The following SNX3 variants were observed in gnomAD, a reference collection of about 807,000 sequenced individuals.
SNX3 encodes the protein sorting nexin-3.
SNX3 carries 5 observed loss-of-function variants against 17.7 expected under a neutral mutation model. That is an observed-to-expected ratio of 0.28 (90% CI 0.15 to 0.59). The LOEUF is 0.59. SNX3 is among the 20% of genes least tolerant of loss of function. The pLI is 0.88. For synonymous variants in SNX3, 91 were observed against 76.5 expected (o/e 1.19, Z -0.99); for missense variants, 132 against 206.8 (o/e 0.64, Z 2.22).
At chr6:108,217,214 C>G (rs217531) in intron 2 of SNX3, among the ~76,000 whole-genome samples, 100,376 of 150,748 alleles carry the variant, frequency 0.67, 35,305 homozygotes, top group African/African-American at 0.9. Flanking sequence ...AAAAATGTAA[C>G]AATATATATA....
At chr6:108,212,409 G>A (rs1774434155) in intron 3 of SNX3, among the ~76,000 whole-genome samples, 155 bp from the exon 4 acceptor site, 1 of 151,918 alleles carries the variant, frequency 6.6e-6, no homozygotes, top group Non-Finnish European at 1.5e-5. Context: ...GCTGATCTTG[G>A]CTCATGGCAA....
intron 1 of SNX3, among the ~76,000 whole-genome samples, chr6:108,246,851 G>A (rs1775707660): frequency 6.6e-6 from 1 of 152,068 alleles, no homozygotes; most frequent in Non-Finnish European, 1.5e-5. Flanking sequence ...AAGACTACAG[G>A]CTCAAGTCCA....
intron 1 of SNX3, among the ~76,000 whole-genome samples, chr6:108,240,288 G>T (rs143956679): frequency 6.6e-6 from 1 of 152,106 alleles, no homozygotes; most frequent in Non-Finnish European, 1.5e-5. Context: ...GTGCGACCTC[G>T]GCTCACTGTA....
At chr6:108,212,448 G>A (rs868085006) in intron 3 of SNX3, among the ~76,000 whole-genome samples, 194 bp from the exon 4 acceptor site, 1 of 151,630 alleles carries the variant, frequency 6.6e-6, no homozygotes, top group Non-Finnish European at 1.5e-5. Flanking sequence ...AAGTGATTTC[G>A]TGCCTCAGCC....
chr6:108,212,286 A>G, intron 3 of SNX3, 32 bp from the exon 4 acceptor site: 1 of 1,442,384 alleles, frequency 6.9e-7, no homozygotes, highest in Non-Finnish European at 9.6e-7. Flanking sequence ...TTAGTCCAAT[A>G]TTTTATACAA....
intron 1 of SNX3, among the ~76,000 whole-genome samples, chr6:108,239,417 G>A (rs1424501661): frequency 6.6e-6 from 1 of 152,078 alleles, no homozygotes; most frequent in Non-Finnish European, 1.5e-5. Context: ...GAGGCCAAGA[G>A]TTCAAGACAA....
chr6:108,242,487 T>C (rs2114748681), intron 1 of SNX3, among the ~76,000 whole-genome samples: 2 of 152,064 alleles, frequency 1.3e-5, no homozygotes, highest in South Asian at 4.2e-4. Flanking sequence ...CCAGAAACAA[T>C]GGAGACAAGG....
intron 1 of SNX3, among the ~76,000 whole-genome samples, 153 bp downstream of exon 1, chr6:108,260,607 G>A (rs1303854424): frequency 6.6e-6 from 1 of 152,188 alleles, no homozygotes; most frequent in Non-Finnish European, 1.5e-5. Flanking sequence ...CCTACAGGAA[G>A]AGGGGCCCTG....
intron 1 of SNX3, among the ~76,000 whole-genome samples, chr6:108,229,732 G>A (rs1360001166): frequency 6.6e-6 from 1 of 152,164 alleles, no homozygotes; most frequent in Non-Finnish European, 1.5e-5. Flanking sequence ...AAAATAGTGT[G>A]AGCTAAATGC....
At chr6:108,213,089 T>C (rs1774457754) in intron 3 of SNX3, among the ~76,000 whole-genome samples, 2 of 151,574 alleles carry the variant, frequency 1.3e-5, no homozygotes, top group Non-Finnish European at 2.9e-5. Flanking sequence ...GGTTTCGCCA[T>C]GTTGGCCAGG....
chr6:108,220,230 A>C (rs191551987), intron 2 of SNX3, among the ~76,000 whole-genome samples: 1 of 152,236 alleles, frequency 6.6e-6, no homozygotes, highest in African/African-American at 2.4e-5. Context: ...CTGCAGTAAT[A>C]AACAGTAATG....
intron 1 of SNX3, among the ~76,000 whole-genome samples, chr6:108,241,123 G>A (rs1015664522): frequency 1.1e-4 from 13 of 118,166 alleles, no homozygotes; most frequent in East Asian, 8.6e-4. Context: ...GAGCCTGAGC[G>A]ATAGAGCAAG....
chr6:108,258,312 G>A (rs932754215), intron 1 of SNX3, among the ~76,000 whole-genome samples: 11 of 151,928 alleles, frequency 7.2e-5, no homozygotes, highest in Non-Finnish European at 1.6e-4. Context: ...ACAAAAATTA[G>A]CCAGGCGTGG....
At position 108,260,948 on chromosome 6, in the gene SNX3, G is replaced by GGGCTCCCTC. The variant is rs1458467734; in HGVS notation, c.-36_-28dup. ...TCGCTGTAGCTGCTGCCGCCGCCGC[G>GGGCTCCCTC]GGCTCCCTCCGCCCCCTCCGCGTTC... On this transcript the variant is annotated 5_prime_UTR_variant, in exon 1 of 4. Coordinates refer to ENST00000230085, the MANE Select transcript of SNX3 (RefSeq NM_003795.6). 5 of 1,540,150 alleles carry GGGCTCCCTC rather than the reference G, an allele frequency of 3.2e-6. No homozygotes were observed. In the Admixed American group the frequency reaches 5.7e-5, roughly 18 times the overall value.
At chr6:108,220,100 G>A (rs1378597874) in intron 2 of SNX3, among the ~76,000 whole-genome samples, 1 of 152,112 alleles carries the variant, frequency 6.6e-6, no homozygotes, top group Non-Finnish European at 1.5e-5. Context: ...TTTAAGCTAA[G>A]TGTTATTACA....
At chr6:108,253,907 CG>C (rs1775947923) in intron 1 of SNX3, among the ~76,000 whole-genome samples, 1 of 151,926 alleles carries the variant, frequency 6.6e-6, no homozygotes, top group African/African-American at 2.4e-5. Context: ...GGGTGGATCA[CG>C]AGGTCAGGAG....
intron 1 of SNX3, among the ~76,000 whole-genome samples, chr6:108,233,921 CTG>C (rs1435804881): frequency 2.6e-5 from 4 of 152,090 alleles, no homozygotes; most frequent in African/African-American, 9.7e-5. Context: ...ATAAGTAAAA[CTG>C]TGATGTGGAA....
chr6:108,225,008 C>T (rs1310150522), intron 1 of SNX3, among the ~76,000 whole-genome samples: 2 of 151,774 alleles, frequency 1.3e-5, no homozygotes, highest in African/African-American at 2.4e-5. Context: ...TGCGGCAGGG[C>T]GCGGTGGCTC....
chr6:108,216,219 T>A (rs1178236983), intron 2 of SNX3, among the ~76,000 whole-genome samples: 1 of 152,072 alleles, frequency 6.6e-6, no homozygotes, highest in Non-Finnish European at 1.5e-5. Context: ...ACACTACAGG[T>A]ACATAGCGTG....
Sources: allele counts gnomAD v4.1 joint callset (sites outside exome capture counted in the v4.1 genomes callset), GRCh38; gene constraint gnomAD v4.1.1; transcripts MANE v1.5; gene names NCBI Gene and HGNC (gene_info 2026-07-23, HGNC 2026-07-21).